CLECL1: variants seen among roughly 807,000 people sequenced by gnomAD.
CLECL1 encodes C-type lectin like 1.
intron 3 of CLECL1, among the ~76,000 whole-genome samples, chr12:9,723,899 G>A (rs1866344434): frequency 6.6e-6 from 1 of 152,030 alleles, no homozygotes; most frequent in Admixed American, 6.6e-5. Flanking sequence ...GCTAAGGAAG[G>A]AAAATTGGCC....
chr12:9,725,351 T>G (rs1866365782), intron 3 of CLECL1, among the ~76,000 whole-genome samples: 1 of 152,142 alleles, frequency 6.6e-6, no homozygotes, highest in East Asian at 1.9e-4. Context: ...TATAAAGTTC[T>G]TTCTCAGACT....
At chr12:9,718,190 AT>A (rs1866260540), downstream of CLECL1, among the ~76,000 whole-genome samples, 1 of 152,012 alleles carries the variant, frequency 6.6e-6, no homozygotes, top group Non-Finnish European at 1.5e-5. Context: ...TGATATTTAT[AT>A]TTTCCACATT....
chr12:9,717,867 T>G (rs1188344355), downstream of CLECL1, among the ~76,000 whole-genome samples: 1 of 152,016 alleles, frequency 6.6e-6, no homozygotes, highest in South Asian at 2.1e-4. Context: ...CTTCTTTTTC[T>G]GTTTTTTTTT....
At chr12:9,720,420 G>A (rs765358466), downstream of CLECL1, among the ~76,000 whole-genome samples, 2 of 149,090 alleles carry the variant, frequency 1.3e-5, no homozygotes, top group Non-Finnish European at 3.0e-5. Context: ...ATGGCTCACT[G>A]CAACCTCCGC....
At chr12:9,726,991 G>A (rs1268211336) in intron 3 of CLECL1, among the ~76,000 whole-genome samples, 4 of 151,510 alleles carry the variant, frequency 2.6e-5, no homozygotes, top group Non-Finnish European at 5.9e-5. Context: ...ATTTGGACAT[G>A]GTAAGTCATT....
chr12:9,725,137 A>G (rs1248695457), intron 3 of CLECL1, among the ~76,000 whole-genome samples: 1 of 152,162 alleles, frequency 6.6e-6, no homozygotes, highest in Non-Finnish European at 1.5e-5. Context: ...GAACCCCTTG[A>G]CAACAGATAA....
chr12:9,711,226 C>T (rs918355825), downstream of CLECL1, among the ~76,000 whole-genome samples: 1 of 152,166 alleles, frequency 6.6e-6, no homozygotes, highest in African/African-American at 2.4e-5. Flanking sequence ...CATCTCACAC[C>T]CTGCAAGGGG....
At chr12:9,710,457 G>T in the CLECL1 span, among the ~76,000 whole-genome samples, 4 of 152,116 alleles carry the variant, frequency 2.6e-5, no homozygotes, top group African/African-American at 9.7e-5. Flanking sequence ...ATATGGGAGT[G>T]CTAGGAAGGG....
chr12:9,711,639 A>G (rs2121031102), downstream of CLECL1, among the ~76,000 whole-genome samples: 1 of 151,600 alleles, frequency 6.6e-6, no homozygotes, highest in South Asian at 2.1e-4. Flanking sequence ...CCAGATTATT[A>G]TTATTTTTTT....
the CLECL1 span, among the ~76,000 whole-genome samples, chr12:9,704,982 G>T: frequency 6.6e-6 from 1 of 152,124 alleles, no homozygotes; most frequent in Non-Finnish European, 1.5e-5. Context: ...TTGAGAAATT[G>T]CCATACTGTC....
At chr12:9,707,183 T>C in the CLECL1 span, among the ~76,000 whole-genome samples, 5 of 152,210 alleles carry the variant, frequency 3.3e-5, no homozygotes, top group Non-Finnish European at 5.9e-5. Flanking sequence ...GAAGGGTTAA[T>C]TGGAGTACCA....
downstream of CLECL1, among the ~76,000 whole-genome samples, chr12:9,710,863 T>C (rs1866194159): frequency 6.6e-6 from 1 of 152,078 alleles, no homozygotes; most frequent in African/African-American, 2.4e-5. Context: ...CCCTTCTGAC[T>C]CTCCCATCTG....
downstream of CLECL1, among the ~76,000 whole-genome samples, chr12:9,711,464 G>A (rs755594641): frequency 1.3e-5 from 2 of 151,464 alleles, no homozygotes; most frequent in Non-Finnish European, 2.9e-5. Flanking sequence ...ATATTATTAA[G>A]CTTCTGTGAA....
chr12:9,705,110 G>C, the CLECL1 span, among the ~76,000 whole-genome samples: 27 of 152,224 alleles, frequency 1.8e-4, no homozygotes, highest in East Asian at 4.0e-3. Flanking sequence ...CATCTGACTG[G>C]TGTGGGATGG....
At chr12:9,706,641 A>T in the CLECL1 span, among the ~76,000 whole-genome samples, 3 of 152,192 alleles carry the variant, frequency 2.0e-5, no homozygotes, top group South Asian at 2.1e-4. Context: ...AGTTTTATTT[A>T]TCTGATGAAT....
At chr12:9,713,566 A>C (rs150384740), downstream of CLECL1, among the ~76,000 whole-genome samples, 607 of 152,324 alleles carry the variant, frequency 4.0e-3, 4 homozygotes, top group African/African-American at 0.013. Flanking sequence ...AAAACAATAT[A>C]AAACAATATG....
chr12:9,705,808 G>A, the CLECL1 span, among the ~76,000 whole-genome samples: 1 of 152,308 alleles, frequency 6.6e-6, no homozygotes, highest in South Asian at 2.1e-4. Context: ...TAGCCTTGTA[G>A]TATAGTTTGA....
downstream of CLECL1, among the ~76,000 whole-genome samples, chr12:9,714,178 G>T (rs932054435): frequency 4.8e-4 from 73 of 152,308 alleles, 1 homozygote; most frequent in African/African-American, 1.7e-3. Context: ...GTAGATGGGG[G>T]TTTGATATCT....
chr12:9,720,704 T>G (rs1330694145), downstream of CLECL1, among the ~76,000 whole-genome samples: 1 of 152,160 alleles, frequency 6.6e-6, no homozygotes, highest in Non-Finnish European at 1.5e-5. Flanking sequence ...ATGAAGAATT[T>G]CTGCTTCTCT....
Sources: gnomAD v4.1 joint callset for allele counts (sites outside exome capture counted in the v4.1 genomes callset) on GRCh38, gnomAD v4.1.1 for gene constraint, MANE v1.5 for transcripts, NCBI Gene and HGNC (gene_info 2026-07-23, HGNC 2026-07-21) for gene names.